The following NCOR2 variants were observed in gnomAD, a reference collection of about 807,000 sequenced individuals.
NCOR2 encodes nuclear receptor corepressor 2, also known as CTG repeat protein 26.
A neutral mutation model predicts 262.9 loss-of-function variants in NCOR2; 81 were observed. The observed-to-expected ratio is 0.31, with a 90% CI of 0.26 to 0.37. The LOEUF (loss-of-function observed/expected upper bound fraction) is 0.37. Among genes scored for constraint, NCOR2 ranks in the 10% least tolerant of loss-of-function variants. The pLI is 1.00. For synonymous variants in NCOR2, 1,659 were observed against 1,559.3 expected (o/e 1.06, Z -1.51); for missense variants, 3,385 against 3,621.4 (o/e 0.93, Z 1.68).
At chr12:124,564,731 C>A (rs1416916270) in intron 1 of NCOR2, among the ~76,000 whole-genome samples, 1 of 152,124 alleles carries the variant, frequency 6.6e-6, no homozygotes, top group Non-Finnish European at 1.5e-5. Flanking sequence ...ACCAACTTCT[C>A]CACCCACACT....
At chr12:124,430,989 C>A (rs1442454044) in intron 8 of NCOR2, among the ~76,000 whole-genome samples, 1 of 151,808 alleles carries the variant, frequency 6.6e-6, no homozygotes, top group Admixed American at 6.6e-5. Context: ...CACACAGGCA[C>A]ACAAGCACAC....
chr12:124,466,905 C>T (rs1302606979), intron 4 of NCOR2, among the ~76,000 whole-genome samples: 2 of 151,874 alleles, frequency 1.3e-5, no homozygotes, highest in African/African-American at 2.4e-5. Context: ...GCTCATGATG[C>T]GTGCAAAGCA....
Position 124,449,963 on chromosome 12 carries a change from T to G in NCOR2, c.763-96A>C, listed in dbSNP as rs550267821. ...AGCCACAGCCCTGGCACGGAGGAGCTGTCCTCTGGGTGAGGGCTCAGCCGC... is the reference window on the plus strand; with the variant it reads ...AGCCACAGCCCTGGCACGGAGGAGCGGTCCTCTGGGTGAGGGCTCAGCCGC... On this transcript the variant is annotated intron_variant, in intron 6 of 46. Coordinates refer to ENST00000405201, the Ensembl canonical transcript of NCOR2. 2.3e-6 allele frequency: 3 copies of G among 1,318,288 alleles called. No individual in the cohort carries two copies. The South Asian group carries it at 3.9e-5, about 17-fold the overall frequency. 81.7% of individuals were successfully genotyped at this position (1,318,288 alleles called of 1,614,324 possible). A position where few individuals can be genotyped will look rare whatever the true frequency, so the allele number is the denominator to read the frequency against.
rs2037771282 is a variant in NCOR2, at chr12:124,354,342, G to A, written c.3589+136C>T. The A allele has an allele frequency of 3.5e-6, 4 of 1,136,714 alleles. No homozygotes were observed. In the Admixed American group the frequency reaches 6.8e-5, roughly 19 times the overall value. The allele number at this position is 1,136,714 out of a possible 1,614,324, so 70.4% of individuals were successfully genotyped here. ...GGGAGTCCCCCTACCCCTAAATGGT[G>A]AGGGAGACAGCTGTGAAGAGGGGCC... On this transcript the variant is annotated intron_variant, in intron 26 of 46. Transcript: ENST00000405201.
At chr12:124,536,909 G>A (rs1021935328), upstream of NCOR2, among the ~76,000 whole-genome samples, 18 of 152,144 alleles carry the variant, frequency 1.2e-4, no homozygotes, top group African/African-American at 4.1e-4. Context: ...ACGGTCCATC[G>A]ACAGGTGAAC....
rs1436725710 is a variant in NCOR2, at chr12:124,566,270, C to T, written c.-165+1038G>A. ...CTGAGCCGACAGAACAGATCCGCCC[C>T]CGCTGCCTGCACCAGACCCTCGGAG... On this transcript the variant is annotated intron_variant, in intron 1 of 32. Transcript: ENST00000458234. The surrounding 1 kb of genome is among the most constrained non-coding windows in gnomAD (Gnocchi z 4.3). 6.6e-6 allele frequency among the ~76,000 whole-genome samples: 1 copy of T among 152,232 alleles called. No individual in the cohort carries two copies. The highest frequency in any genetic ancestry group is 1.9e-4 in the East Asian group (1 of 5,190).
intron 4 of NCOR2, among the ~76,000 whole-genome samples, chr12:124,467,689 C>T (rs1175421463): frequency 3.7e-5 from 5 of 134,512 alleles, no homozygotes; most frequent in African/African-American, 1.4e-4. Flanking sequence ...TCCTCATGAC[C>T]TCCATCATCC....
intron 6 of NCOR2, among the ~76,000 whole-genome samples, chr12:124,456,221 C>A (rs987919952): frequency 3.3e-5 from 5 of 152,242 alleles, no homozygotes; most frequent in African/African-American, 7.2e-5. Flanking sequence ...CACACGCACA[C>A]CCTAGCCCAC....
In NCOR2 at chr12:124,335,641, G is replaced by C; in HGVS notation, c.6116-9C>G. The C allele has an allele frequency of 6.3e-7, 1 of 1,592,612 alleles. No individual in the cohort carries two copies. On this transcript the variant is annotated splice_polypyrimidine_tract_variant and intron_variant, in intron 38 of 46. Transcript: ENST00000405201. ...GCTGCTGCCGTGGTAACCTAGGGCAGGCGGGGGGTGCAGAGTCAGGCACCG... is the reference window on the plus strand; with the variant it reads ...GCTGCTGCCGTGGTAACCTAGGGCACGCGGGGGGTGCAGAGTCAGGCACCG...
chr12:124,374,488 A>G (rs1168341559), intron 18 of NCOR2, 25 bp from the exon 21 acceptor site: 3 of 1,609,494 alleles, frequency 1.9e-6, no homozygotes, highest in South Asian at 1.1e-5. Context: ...GAGAAGAGTT[A>G]GAAGTGAGGC....
In NCOR2 at chr12:124,333,856, A is replaced by G. The variant is rs1477693536; in HGVS notation, c.6605+568T>C. Among the ~76,000 whole-genome samples, 11 of 121,200 alleles carry G rather than the reference A, an allele frequency of 9.1e-5. 1 individual carries two copies. Among genetic ancestry groups the G allele is most frequent in the East Asian group, 5.0e-4 (2 of 3,992 alleles). The allele number at this position is 121,200 out of a possible 152,430, so 79.5% of individuals were successfully genotyped here. ...CGGGTGCGCCTGTGTGCGGGTGTGC[A>G]TGTGTGTGTGCGCATGTGTGCGGGT... is the stretch of plus-strand genomic sequence containing the variant. On this transcript the variant is annotated intron_variant, in intron 41 of 46. Coordinates refer to ENST00000405201, the Ensembl canonical transcript of NCOR2.
intron 17 of NCOR2, among the ~76,000 whole-genome samples, chr12:124,382,672 C>T (rs1459162912): frequency 1.3e-5 from 2 of 152,244 alleles, no homozygotes; most frequent in Non-Finnish European, 2.9e-5. Context: ...GTTAGCTCCA[C>T]AGCCCAGCAG....
At chr12:124,513,717 C>G (rs186059538) in intron 1 of NCOR2, 6 of 152,214 alleles carry the variant, frequency 3.9e-5, no homozygotes, top group Admixed American at 2.0e-4. Context: ...ATGCTCACCT[C>G]GCCTTGGTCC....
At chr12:124,379,751 T>C (rs2040277504) in intron 17 of NCOR2, among the ~76,000 whole-genome samples, 1 of 152,154 alleles carries the variant, frequency 6.6e-6, no homozygotes, top group Admixed American at 6.5e-5. Flanking sequence ...CCTGCATATG[T>C]CATTAGTTAA....
chr12:124,493,633 A>G (rs55920091), intron 1 of NCOR2, among the ~76,000 whole-genome samples: 176 of 152,312 alleles, frequency 1.2e-3, no homozygotes, highest in African/African-American at 3.8e-3. Context: ...ACAACCATAT[A>G]CACTCAGGGC....
In NCOR2 at chr12:124,333,083, G is replaced by C. The variant is rs1250606332; in HGVS notation, c.6755+47C>G. On this transcript the variant is annotated intron_variant, in intron 42 of 46. Transcript: ENST00000405201. ...GTGGACTGGGGCCAAGGATGGGCAAGGGATACCAGAGCATCCCGGGGGCAG... is the reference window on the plus strand; with the variant it reads ...GTGGACTGGGGCCAAGGATGGGCAACGGATACCAGAGCATCCCGGGGGCAG... 2.6e-6 allele frequency: 4 copies of C among 1,545,526 alleles called. No individual in the cohort carries two copies. The East Asian group carries it at 6.9e-5, about 27-fold the overall frequency.
chr12:124,337,936 C>T (rs1459748902), intron 37 of NCOR2, among the ~76,000 whole-genome samples: 1 of 152,176 alleles, frequency 6.6e-6, no homozygotes, highest in Non-Finnish European at 1.5e-5. Flanking sequence ...GGCAGGCACT[C>T]GTTTTCTCCA....
In NCOR2 at chr12:124,356,508, G is replaced by A. The variant is rs1468969247; in HGVS notation, c.3241+134C>T. On this transcript the variant is annotated intron_variant, in intron 23 of 46. Coordinates refer to ENST00000405201, the Ensembl canonical transcript of NCOR2. ...AAAGATCTCCCCCTTTCCCTCCACT[G>A]ACCAGGCTGTTCCTCCAGCCAGGTC... is the stretch of plus-strand genomic sequence containing the variant. 5 of 807,834 alleles carry A rather than the reference G, an allele frequency of 6.2e-6. No individual in the cohort carries two copies. In the South Asian group the frequency reaches 1.8e-4, roughly 29 times the overall value. 50.0% of individuals were successfully genotyped at this position (807,834 alleles called of 1,614,324 possible). A position where few individuals can be genotyped will look rare whatever the true frequency, so the allele number is the denominator to read the frequency against.
intron 22 of NCOR2, among the ~76,000 whole-genome samples, chr12:124,360,126 C>T (rs1392182305): frequency 2.6e-5 from 4 of 152,214 alleles, no homozygotes; most frequent in Non-Finnish European, 5.9e-5. Context: ...GCAGTTCCAG[C>T]CCTGATCAGA....
Sources: gnomAD v4.1 joint callset for allele counts (sites outside exome capture counted in the v4.1 genomes callset) on GRCh38, gnomAD v4.1.1 for gene constraint, Gnocchi (gnomAD v3.1) non-coding constraint, MANE v1.5 for transcripts, NCBI Gene and HGNC (gene_info 2026-07-23, HGNC 2026-07-21) for gene names.